The following SH3BGRL variants were observed in gnomAD, a reference collection of about 807,000 sequenced individuals.
The protein encoded by SH3BGRL is SH3 domain binding glutamate rich protein like.
Under a neutral mutation model 9.8 loss-of-function variants are expected in SH3BGRL, and 7 were observed. That is an observed-to-expected ratio of 0.72 (90% confidence interval 0.41 to 1.35). The LOEUF is 1.35. SH3BGRL is among the 40% of genes most tolerant of loss of function. The pLI, the probability that SH3BGRL is intolerant of heterozygous loss-of-function variation, is 0.01. For missense variants in SH3BGRL, 73 were observed against 84.4 expected (o/e 0.86, Z 0.53); for synonymous variants, 36 against 29.1 (o/e 1.24, Z -0.76).
rs1388111390 is a variant in SH3BGRL at position 81,205,502 on chromosome X, GTGTATA to G, written c.45+3259_45+3264del. On this transcript the variant is annotated intron_variant, in intron 1 of 3. Coordinates refer to ENST00000373212, the MANE Select transcript of SH3BGRL (RefSeq NM_003022.3). ...TGTATATATATGTGTGTGTGTGTGT[GTGTATA>G]TATATATATATATATATATATATCA... Among the ~76,000 whole-genome samples, 635 of 88,940 alleles carry G rather than the reference GTGTATA, an allele frequency of 7.1e-3. 6 individuals are homozygous for G. The highest frequency in any genetic ancestry group is 0.028 in the African/African-American group (608 of 21,589). 77.2% of individuals were successfully genotyped at this position (88,940 alleles called of 115,157 possible).
intron 1 of SH3BGRL, among the ~76,000 whole-genome samples, chrX:81,221,326 C>T (rs1046383435): frequency 9.0e-6 from 1 of 111,320 alleles, no homozygotes; most frequent in African/African-American, 3.3e-5. Flanking sequence ...TTCTTCACCC[C>T]CTTCTTAACT....
At chrX:81,262,102 A>C (rs2075743106) in intron 1 of SH3BGRL, among the ~76,000 whole-genome samples, 1 of 111,482 alleles carries the variant, frequency 9.0e-6, no homozygotes, top group South Asian at 3.7e-4. Context: ...GATTACAGCC[A>C]CCTTACTTTT....
chrX:81,234,942 A>T (rs898764510), intron 1 of SH3BGRL, among the ~76,000 whole-genome samples: 3 of 111,916 alleles, frequency 2.7e-5, no homozygotes, highest in South Asian at 3.7e-4. Context: ...TGAACAATTT[A>T]AAGCACAAAT....
chrX:81,290,236 T>TA (rs1310329248), intron 3 of SH3BGRL, among the ~76,000 whole-genome samples: 1 of 111,761 alleles, frequency 8.9e-6, no homozygotes, highest in African/African-American at 3.3e-5. Flanking sequence ...GTATATACAC[T>TA]AAAAAAAGCA....
At chrX:81,232,626 A>G (rs2075636375) in intron 1 of SH3BGRL, among the ~76,000 whole-genome samples, 1 of 110,782 alleles carries the variant, frequency 9.0e-6, no homozygotes, top group Non-Finnish European at 1.9e-5. Flanking sequence ...TCACTCTTGC[A>G]TGCCAAATCA....
At chrX:81,243,434 A>G (rs944063248) in intron 1 of SH3BGRL, among the ~76,000 whole-genome samples, 51 of 112,058 alleles carry the variant, frequency 4.6e-4, no homozygotes, top group African/African-American at 1.6e-3. Context: ...GTTATTGGGT[A>G]CAAAAAAGTT....
chrX:81,240,303 T>C (rs1270413351), intron 1 of SH3BGRL, among the ~76,000 whole-genome samples: 3 of 112,354 alleles, frequency 2.7e-5, no homozygotes, highest in African/African-American at 9.7e-5. Flanking sequence ...AAAGTTTTTA[T>C]TAGTTTTATT....
At chrX:81,226,075 A>T (rs2075615763) in intron 1 of SH3BGRL, among the ~76,000 whole-genome samples, 1 of 110,494 alleles carries the variant, frequency 9.1e-6, no homozygotes, top group Non-Finnish European at 1.9e-5. Flanking sequence ...CTCCCCAACC[A>T]CCTCCCATTG....
intron 1 of SH3BGRL, among the ~76,000 whole-genome samples, chrX:81,203,982 C>T (rs1373432375): frequency 9.1e-6 from 1 of 110,412 alleles, no homozygotes; most frequent in Admixed American, 9.7e-5. Context: ...ACCATTGAAC[C>T]TCTCACCCTG....
At chrX:81,232,885 T>C (rs186764399) in intron 1 of SH3BGRL, among the ~76,000 whole-genome samples, 1 of 111,766 alleles carries the variant, frequency 8.9e-6, no homozygotes, top group African/African-American at 3.2e-5. Context: ...ACTTTTGATA[T>C]TTTATTCTTT....
At chrX:81,250,513 C>T (rs771018638) in intron 1 of SH3BGRL, among the ~76,000 whole-genome samples, 9 of 111,947 alleles carry the variant, frequency 8.0e-5, no homozygotes, top group Non-Finnish European at 1.5e-4. Context: ...TTTGGTATAA[C>T]CCAAGTTTGG....
At chrX:81,285,968 A>G (rs903545425) in intron 3 of SH3BGRL, among the ~76,000 whole-genome samples, 2 of 111,982 alleles carry the variant, frequency 1.8e-5, no homozygotes, top group Non-Finnish European at 3.8e-5. Context: ...AATTGAAACC[A>G]ATGCACTGGA....
chrX:81,280,518 A>G (rs2075813075), intron 3 of SH3BGRL, among the ~76,000 whole-genome samples: 1 of 111,922 alleles, frequency 8.9e-6, no homozygotes, highest in Admixed American at 9.4e-5. Flanking sequence ...AACCGCCAGT[A>G]CCAACCAGGA....
chrX:81,290,371 A>G (rs2075853575), intron 3 of SH3BGRL, among the ~76,000 whole-genome samples: 1 of 112,226 alleles, frequency 8.9e-6, no homozygotes, highest in Admixed American at 9.5e-5. Flanking sequence ...TGTGGTATTT[A>G]TACATAATAG....
chrX:81,274,199 T>C (rs1234076168), intron 1 of SH3BGRL, among the ~76,000 whole-genome samples: 2 of 111,778 alleles, frequency 1.8e-5, no homozygotes, highest in African/African-American at 3.3e-5. Context: ...GTTTTCAGTC[T>C]CATGCATTCA....
intron 1 of SH3BGRL, among the ~76,000 whole-genome samples, chrX:81,268,359 T>A (rs1484259034): frequency 8.9e-6 from 1 of 112,147 alleles, no homozygotes. Flanking sequence ...GGGCATTTAA[T>A]GCTATAAATT....
At chrX:81,240,753 G>T (rs1458024817) in intron 1 of SH3BGRL, among the ~76,000 whole-genome samples, 1 of 112,820 alleles carries the variant, frequency 8.9e-6, no homozygotes, top group Non-Finnish European at 1.9e-5. Flanking sequence ...AAACAAAAAA[G>T]AACAAAACTG....
intron 1 of SH3BGRL, among the ~76,000 whole-genome samples, chrX:81,230,674 A>T (rs1313577049): frequency 8.9e-6 from 1 of 112,005 alleles, no homozygotes; most frequent in African/African-American, 3.2e-5. Context: ...GGAGAGATCA[A>T]ATAAAGCCAG....
At chrX:81,282,122 G>C (rs921841899) in intron 3 of SH3BGRL, among the ~76,000 whole-genome samples, 2 of 111,824 alleles carry the variant, frequency 1.8e-5, no homozygotes, top group Admixed American at 1.9e-4. Flanking sequence ...TATCCAACAG[G>C]AAAATATCAC....
Sources: allele counts gnomAD v4.1 joint callset (sites outside exome capture counted in the v4.1 genomes callset), GRCh38; gene constraint gnomAD v4.1.1; transcripts MANE v1.5; gene names NCBI Gene and HGNC (gene_info 2026-07-23, HGNC 2026-07-21).